KCNMB2: variants seen among roughly 807,000 people sequenced by gnomAD.
KCNMB2 encodes potassium calcium-activated channel subfamily M regulatory beta subunit 2.
A neutral mutation model predicts 24.5 loss-of-function variants in KCNMB2; 9 were observed. The observed-to-expected ratio is 0.37, with a 90% CI of 0.22 to 0.64. The LOEUF (loss-of-function observed/expected upper bound fraction) is 0.64. KCNMB2 is among the 30% of genes least tolerant of loss of function. The probability of loss-of-function intolerance (pLI) is 0.63; values close to 1 mark genes in which losing one functional copy is unlikely to be tolerated. For synonymous variants in KCNMB2, 109 were observed against 104.4 expected, an observed-to-expected ratio of 1.04 and a Z score of -0.27; for missense variants, 226 against 284.3, an observed-to-expected ratio of 0.79 and a Z score of 1.47.
chr3:178,641,642 T>C (rs1719731550), intron 1 of KCNMB2, among the ~76,000 whole-genome samples: 2 of 152,142 alleles, frequency 1.3e-5, no homozygotes, highest in African/African-American at 4.8e-5. Context: ...TTTCCCCACT[T>C]TGTATGCATT....
chr3:178,768,748 T>C (rs925435805), intron 1 of KCNMB2, among the ~76,000 whole-genome samples: 1 of 152,178 alleles, frequency 6.6e-6, no homozygotes, highest in Non-Finnish European at 1.5e-5. Flanking sequence ...ATCTGCATTT[T>C]CGCCTCATAG....
chr3:178,614,273 A>ATGTATATGTG (rs1560131650), intron 1 of KCNMB2, among the ~76,000 whole-genome samples: 1 of 94,062 alleles, frequency 1.1e-5, no homozygotes, highest in African/African-American at 5.1e-5. Context: ...ATATATATAT[A>ATGTATATGTG]TATATATATA....
intron 1 of KCNMB2, among the ~76,000 whole-genome samples, chr3:178,806,706 T>G (rs952746351): frequency 6.6e-6 from 1 of 151,092 alleles, no homozygotes; most frequent in Non-Finnish European, 1.5e-5. Context: ...ATAATAATAA[T>G]AATAATAATA....
Position 178,774,988 on chromosome 3 carries a change from A to G in KCNMB2, c.-67-32355A>G, listed in dbSNP as rs139069533. 4.1e-4 allele frequency among the ~76,000 whole-genome samples: 62 copies of G among 152,284 alleles called. No individual in the cohort carries two copies. In the East Asian group the frequency reaches 9.6e-3, roughly 24 times the overall value. On this transcript the variant is annotated intron_variant, in intron 1 of 4. Transcript: ENST00000452583. ...TTCTGGAGGTTACCAAGCCTCCCAGAACCATCTTTACACAAATGCAGGTAT... is the reference window on the plus strand; with the variant it reads ...TTCTGGAGGTTACCAAGCCTCCCAGGACCATCTTTACACAAATGCAGGTAT...
intron 1 of KCNMB2, among the ~76,000 whole-genome samples, chr3:178,784,521 A>G (rs1237055361): frequency 6.6e-6 from 1 of 152,138 alleles, no homozygotes; most frequent in Non-Finnish European, 1.5e-5. Context: ...TATGTTATTT[A>G]TAGGGCTTCC....
At chr3:178,639,672 C>T (rs1185225536) in intron 1 of KCNMB2, among the ~76,000 whole-genome samples, 1 of 152,192 alleles carries the variant, frequency 6.6e-6, no homozygotes, top group Non-Finnish European at 1.5e-5. Flanking sequence ...ATGGTCCATT[C>T]CCCTGTTGCA....
At chr3:178,698,849 G>A (rs2108337536) in intron 1 of KCNMB2, among the ~76,000 whole-genome samples, 1 of 152,310 alleles carries the variant, frequency 6.6e-6, no homozygotes, top group South Asian at 2.1e-4. Context: ...GGATTCAGCT[G>A]ACTGACTTTG....
intron 1 of KCNMB2, among the ~76,000 whole-genome samples, chr3:178,595,118 A>G (rs2108502715): frequency 6.7e-6 from 1 of 149,786 alleles, no homozygotes; most frequent in South Asian, 2.2e-4. Flanking sequence ...TTAGATGGCT[A>G]TCACTGCTAA....
At chr3:178,825,472 C>A in intron 2 of KCNMB2, 116 bp from the exon 3 acceptor site, 1 of 719,750 alleles carries the variant, frequency 1.4e-6, no homozygotes. Context: ...TGAGGTCCAG[C>A]TGCACTGAAG....
At chr3:178,550,241 G>C (rs1010258001) in intron 1 of KCNMB2, among the ~76,000 whole-genome samples, 1 of 151,788 alleles carries the variant, frequency 6.6e-6, no homozygotes, top group Admixed American at 6.6e-5. Flanking sequence ...ATGAGGTCAG[G>C]AGATCGAGAC....
At chr3:178,648,212 A>G (rs1719987408) in intron 1 of KCNMB2, among the ~76,000 whole-genome samples, 1 of 152,178 alleles carries the variant, frequency 6.6e-6, no homozygotes, top group African/African-American at 2.4e-5. Context: ...ATATGTTCCC[A>G]TATATGATAT....
intron 1 of KCNMB2, among the ~76,000 whole-genome samples, chr3:178,645,710 G>A (rs529127011): frequency 4.6e-5 from 7 of 152,128 alleles, no homozygotes; most frequent in Non-Finnish European, 7.4e-5. Context: ...GGTTCTGGGG[G>A]CCTGAGAAAG....
chr3:178,821,642 A>G (rs1417723143), intron 2 of KCNMB2, among the ~76,000 whole-genome samples: 1 of 152,154 alleles, frequency 6.6e-6, no homozygotes, highest in East Asian at 1.9e-4. Context: ...CTTCCTCTTT[A>G]GCAAGGTCAG....
chr3:178,676,091 G>A (rs1721061280), intron 1 of KCNMB2, among the ~76,000 whole-genome samples: 1 of 152,286 alleles, frequency 6.6e-6, no homozygotes, highest in Middle Eastern at 3.4e-3. Flanking sequence ...CCAAGCCCAT[G>A]TTACGCCTCT....
Position 178,816,814 on chromosome 3 carries a change from G to A in KCNMB2, c.57-8774G>A, listed in dbSNP as rs145552600. Among the ~76,000 whole-genome samples the A allele has an allele frequency of 1.4e-3, 209 of 151,970 alleles. 3 individuals carry two copies. In the East Asian group the frequency reaches 0.03, roughly 22 times the overall value. ...TTTGTTATTTATTTCTAGCATTATT[G>A]CATTAGAGCCAAATAATGTGGTCAA... On this transcript the variant is annotated intron_variant, in intron 2 of 4. Coordinates refer to ENST00000452583, the MANE Select transcript of KCNMB2 (RefSeq NM_181361.3).
At chr3:178,620,609 T>C (rs1472363584) in intron 1 of KCNMB2, among the ~76,000 whole-genome samples, 1 of 152,160 alleles carries the variant, frequency 6.6e-6, no homozygotes, top group African/African-American at 2.4e-5. Flanking sequence ...ATAAGAACAC[T>C]AAGCACTCAT....
intron 1 of KCNMB2, among the ~76,000 whole-genome samples, chr3:178,557,887 A>G (rs146078600): frequency 6.1e-4 from 93 of 152,318 alleles, no homozygotes; most frequent in African/African-American, 1.9e-3. Context: ...ACAGCAAGTT[A>G]GCAACACCAA....
At chr3:178,796,168 AAGAAGGTCATT>A (rs1330314755) in intron 1 of KCNMB2, among the ~76,000 whole-genome samples, 1 of 152,208 alleles carries the variant, frequency 6.6e-6, no homozygotes, top group Non-Finnish European at 1.5e-5. Flanking sequence ...AAAAGAGACA[AAGAAGGTCATT>A]ATGTAATGAT....
chr3:178,555,931 G>T (rs1219341607), intron 1 of KCNMB2, among the ~76,000 whole-genome samples: 1 of 152,218 alleles, frequency 6.6e-6, no homozygotes, highest in Non-Finnish European at 1.5e-5. Flanking sequence ...CTGCATATTT[G>T]ATCTGTGTCT....
Sources: gnomAD v4.1 joint callset for allele counts (sites outside exome capture counted in the v4.1 genomes callset) on GRCh38, gnomAD v4.1.1 for gene constraint, MANE v1.5 for transcripts, NCBI Gene and HGNC (gene_info 2026-07-23, HGNC 2026-07-21) for gene names.